The following GAS7 variants were observed in gnomAD, a reference collection of about 807,000 sequenced individuals.
GAS7 encodes growth arrest specific 7, also known as growth arrest-specific protein 7.
A neutral mutation model predicts 71.1 loss-of-function variants in GAS7; 28 were observed. That is an observed-to-expected ratio of 0.39 (90% CI 0.29 to 0.54). GAS7 has a LOEUF of 0.54. GAS7 is among the 20% of genes least tolerant of loss of function. The pLI is 0.62. For missense variants in GAS7, 436 were observed against 627.8 expected (o/e 0.69, Z 3.27); for synonymous variants, 258 against 245.8 (o/e 1.05, Z -0.46).
intron 1 of GAS7, among the ~76,000 whole-genome samples, chr17:10,125,012 G>A (rs1004476192): frequency 4.0e-5 from 6 of 150,016 alleles, no homozygotes; most frequent in East Asian, 2.0e-4. Flanking sequence ...ATTACTCTCC[G>A]TGCAAAAAGA....
At chr17:10,106,698 C>T (rs979092818) in intron 1 of GAS7, among the ~76,000 whole-genome samples, 3 of 152,180 alleles carry the variant, frequency 2.0e-5, no homozygotes, top group East Asian at 1.9e-4. Flanking sequence ...GGGGAGTGAC[C>T]GACTTGGCGA....
chr17:10,036,753 C>T lies in GAS7; in HGVS notation c.184-16856G>A, dbSNP rs572042573. On this transcript the variant is annotated intron_variant, in intron 1 of 13. Transcript: ENST00000432992. Reference sequence around the variant, plus strand: ...TTTCCAGATGCAATGTTTCTGGAGGCCTTTCTTTTTTTCCCACTCTCCCTC... The same window carrying T: ...TTTCCAGATGCAATGTTTCTGGAGGTCTTTCTTTTTTTCCCACTCTCCCTC... 7 of 1,211,712 alleles carry T rather than the reference C, an allele frequency of 5.8e-6. No individual in the cohort carries two copies. The East Asian group carries it at 1.8e-4, about 31-fold the overall frequency. 75.1% of individuals were successfully genotyped at this position (1,211,712 alleles called of 1,614,324 possible).
At chr17:10,011,265 G>A (rs1417717684) in intron 2 of GAS7, among the ~76,000 whole-genome samples, 1 of 152,170 alleles carries the variant, frequency 6.6e-6, no homozygotes, top group African/African-American at 2.4e-5. Flanking sequence ...CACTGCCTTG[G>A]GCTTGGATGA....
At chr17:10,125,605 T>C (rs904741653) in intron 1 of GAS7, among the ~76,000 whole-genome samples, 1 of 151,694 alleles carries the variant, frequency 6.6e-6, no homozygotes, top group Non-Finnish European at 1.5e-5. Flanking sequence ...GGGATTGTTC[T>C]TTCTTTCCCA....
intron 1 of GAS7, chr17:10,036,553 TC>T: frequency 1.3e-6 from 2 of 1,573,948 alleles, no homozygotes; most frequent in Non-Finnish European, 1.7e-6. Context: ...TGGCAGCCTC[TC>T]CGGGAAATGG....
intron 12 of GAS7, among the ~76,000 whole-genome samples, chr17:9,918,862 G>C (rs2152066198): frequency 6.6e-6 from 1 of 152,248 alleles, no homozygotes; most frequent in South Asian, 2.1e-4. Flanking sequence ...GGTAAAGCAG[G>C]GGGCTTAATT....
chr17:10,119,601 C>T (rs974402675), intron 1 of GAS7, among the ~76,000 whole-genome samples: 2 of 152,194 alleles, frequency 1.3e-5, no homozygotes, highest in African/African-American at 4.8e-5. Flanking sequence ...ACACACCACA[C>T]CCTGAGTTAG....
chr17:10,005,470 G>A (rs1367091416), intron 2 of GAS7, among the ~76,000 whole-genome samples: 6 of 150,538 alleles, frequency 4.0e-5, no homozygotes, highest in Admixed American at 2.6e-4. Flanking sequence ...AACTAAACAC[G>A]GAAAACACAT....
intron 9 of GAS7, among the ~76,000 whole-genome samples, chr17:9,927,310 C>CAT (rs1567781818): frequency 1.3e-5 from 2 of 149,192 alleles, no homozygotes; most frequent in African/African-American, 5.0e-5. Flanking sequence ...CACACACACA[C>CAT]ACACACACAC....
At chr17:10,069,898 T>C (rs1396199638) in intron 1 of GAS7, among the ~76,000 whole-genome samples, 4 of 152,204 alleles carry the variant, frequency 2.6e-5, no homozygotes, top group Non-Finnish European at 5.9e-5. Flanking sequence ...AGCAATGTTA[T>C]TCAATCTTTG....
At chr17:9,918,969 C>T (rs2067692015) in intron 12 of GAS7, among the ~76,000 whole-genome samples, 1 of 152,148 alleles carries the variant, frequency 6.6e-6, no homozygotes, top group Non-Finnish European at 1.5e-5. Context: ...GCTGGTTAGT[C>T]CTGTGCTGGA....
At chr17:10,046,950 T>G (rs1302203763) in intron 1 of GAS7, among the ~76,000 whole-genome samples, 1 of 151,550 alleles carries the variant, frequency 6.6e-6, no homozygotes, top group Non-Finnish European at 1.5e-5. Context: ...ACTTCACACC[T>G]TCACCACTCT....
chr17:10,165,129 C>CAA (rs35413861), intron 1 of GAS7, among the ~76,000 whole-genome samples: 89 of 124,036 alleles, frequency 7.2e-4, no homozygotes, highest in Admixed American at 1.0e-3. Flanking sequence ...CTAAAAAATA[C>CAA]AAAAAAAAAA....
At chr17:9,973,874 T>A (rs1269392174) in intron 3 of GAS7, among the ~76,000 whole-genome samples, 2 of 152,134 alleles carry the variant, frequency 1.3e-5, no homozygotes, top group East Asian at 3.8e-4. Context: ...CTTTCGAAAA[T>A]GAAATGCACA....
intron 1 of GAS7, among the ~76,000 whole-genome samples, chr17:10,111,816 C>T (rs2073816410): frequency 6.6e-6 from 1 of 152,200 alleles, no homozygotes; most frequent in Non-Finnish European, 1.5e-5. Context: ...TGGACCAGGT[C>T]ATGGGGCCTG....
At chr17:10,112,029 CAT>C (rs2073818390) in intron 1 of GAS7, among the ~76,000 whole-genome samples, 1 of 152,210 alleles carries the variant, frequency 6.6e-6, no homozygotes, top group Non-Finnish European at 1.5e-5. Flanking sequence ...GCACCAGCCA[CAT>C]GTTAGTGGCT....
intron 7 of GAS7, among the ~76,000 whole-genome samples, chr17:9,941,615 G>A (rs1351778759): frequency 2.0e-5 from 3 of 152,328 alleles, no homozygotes; most frequent in Admixed American, 6.5e-5. Flanking sequence ...TAGGAAGCCC[G>A]GAATGTCCTG....
chr17:10,156,704 G>C (rs192232672), intron 1 of GAS7, among the ~76,000 whole-genome samples: 1 of 152,174 alleles, frequency 6.6e-6, no homozygotes, highest in Non-Finnish European at 1.5e-5. Flanking sequence ...ATTTTCACCA[G>C]TTCCCTCCTA....
At chr17:10,046,249 A>G (rs1368101944) in intron 1 of GAS7, among the ~76,000 whole-genome samples, 2 of 152,136 alleles carry the variant, frequency 1.3e-5, no homozygotes, top group African/African-American at 2.4e-5. Flanking sequence ...GGCATGGCAA[A>G]AGGAGATGCA....
Sources: gnomAD v4.1 joint callset for allele counts (sites outside exome capture counted in the v4.1 genomes callset) on GRCh38, gnomAD v4.1.1 for gene constraint, MANE v1.5 for transcripts, NCBI Gene and HGNC (gene_info 2026-07-23, HGNC 2026-07-21) for gene names.